Variants in CWC15 observed in about 807,000 individuals in gnomAD.
CWC15 encodes the protein CWC15 spliceosome associated protein, also known as spliceosome-associated protein CWC15 homolog.
In CWC15, 12 loss-of-function variants were observed where a neutral mutation model predicts 28.4. The ratio of observed to expected loss-of-function variants is 0.42; its 90% confidence interval spans 0.27 to 0.69. The LOEUF (loss-of-function observed/expected upper bound fraction) is 0.69. Ranked by LOEUF, CWC15 falls within the 30% of genes least tolerant of loss-of-function variation. The pLI is 0.23. For missense variants in CWC15, 192 were observed against 271.5 expected, an observed-to-expected ratio of 0.71 and a Z score of 2.06; for synonymous variants, 92 against 88.4, an observed-to-expected ratio of 1.04 and a Z score of -0.23.
Position 94,963,309 on chromosome 11 carries a change from GA to G in CWC15, c.*75del, listed in dbSNP as rs58293261. 1,535 of 1,109,934 alleles carry G rather than the reference GA, an allele frequency of 1.4e-3. 8 individuals carry two copies. In the South Asian group the frequency reaches 0.014, roughly 10 times the overall value. The allele number at this position is 1,109,934 out of a possible 1,614,324, so 68.8% of individuals were successfully genotyped here. A position where few individuals can be genotyped will look rare whatever the true frequency, so the allele number is the denominator to read the frequency against. On this transcript the variant is annotated 3_prime_UTR_variant, in exon 7 of 7. Coordinates refer to ENST00000279839, the MANE Select transcript of CWC15 (RefSeq NM_016403.4). ...CACACACAATTTAGACAGGGGAAAAGAAAAAAAAAACTCATAAAAAAAGTCA... is the reference window on the plus strand; with the variant it reads ...CACACACAATTTAGACAGGGGAAAAGAAAAAAAAACTCATAAAAAAAGTCA...
At chr11:94,966,226 TACACACACACACACACACACACACAC>T (rs58215154) in intron 6 of CWC15, 43 bp downstream of exon 6, 7 of 670,730 alleles carry the variant, frequency 1.0e-5, no homozygotes, top group African/African-American at 3.9e-5. Flanking sequence ...CATACACATA[TACACACACACACACACACACACACAC>T]ACACACACAC....
chr11:94,969,704 A>G (rs7103675), intron 5 of CWC15, among the ~76,000 whole-genome samples: 2,167 of 152,296 alleles, frequency 0.014, 59 homozygotes, highest in African/African-American at 0.049. Context: ...TCTCCTGTCA[A>G]TTAACAGATA....
intron 5 of CWC15, among the ~76,000 whole-genome samples, chr11:94,969,099 ACAAT>A (rs1565413898): frequency 1.3e-5 from 2 of 152,202 alleles, no homozygotes; most frequent in African/African-American, 2.4e-5. Flanking sequence ...CTCTGCTGCT[ACAAT>A]CAATCAGTCA....
chr11:94,971,621 T>A, intron 2 of CWC15, 134 bp from the exon 3 acceptor site: 1 of 599,266 alleles, frequency 1.7e-6, no homozygotes, highest in Admixed American at 3.0e-5. Context: ...GTAGACAAGA[T>A]CATAATTTAA....
chr11:94,970,546 A>G (rs1290016013), intron 4 of CWC15: 1 of 174,730 alleles, frequency 5.7e-6, no homozygotes, highest in Non-Finnish European at 1.2e-5. Context: ...TCCCTCCCTA[A>G]GCACAGAGGG....
intron 6 of CWC15, among the ~76,000 whole-genome samples, chr11:94,964,756 A>G (rs1193807756): frequency 6.6e-6 from 1 of 152,164 alleles, no homozygotes; most frequent in Non-Finnish European, 1.5e-5. Context: ...AACTCAATCA[A>G]TATTTATCAG....
At position 94,969,910 on chromosome 11, in the gene CWC15, A is replaced by T. The variant is rs868984803; in HGVS notation, c.441+79T>A. 26 of 709,308 alleles carry T rather than the reference A, an allele frequency of 3.7e-5. No homozygotes were observed. In the Middle Eastern group the frequency reaches 1.1e-3, roughly 31 times the overall value. The allele number at this position is 709,308 out of a possible 1,614,324, so 43.9% of individuals were successfully genotyped here. The stretch of plus-strand genomic sequence containing the variant: ...TAAAGGAGATTTCTAATATAAGAAG[A>T]TATTACTTATATTCAAAAAAATTTC... On this transcript the variant is annotated intron_variant, in intron 5 of 6. Transcript: ENST00000279839.
In CWC15 at chr11:94,962,668, G is replaced by C. The variant is rs1555094549; in HGVS notation, c.*717C>G. On this transcript the variant is annotated 3_prime_UTR_variant, in exon 7 of 7. Coordinates refer to ENST00000279839, the MANE Select transcript of CWC15 (RefSeq NM_016403.4). ...TATATATTGTTTGAAGCTTTCTCAG[G>C]CTTTGCACTAAATGCATGTCAGGTG... The C allele has an allele frequency of 6.6e-6, 1 of 152,142 alleles. No individual in the cohort carries two copies. The highest frequency in any genetic ancestry group is 1.9e-4 in the East Asian group (1 of 5,196). The allele number at this position is 152,142 out of a possible 1,614,324, so 9.4% of individuals were successfully genotyped here.
Position 94,972,130 on chromosome 11 carries a change from C to T in CWC15, c.56G>A (p.Gly19Glu). 1 of 1,613,890 alleles carries T rather than the reference C, an allele frequency of 6.2e-7. No individual in the cohort carries two copies. The highest frequency in any genetic ancestry group is 2.2e-5 in the East Asian group (1 of 44,854). The change falls in exon 2 of 7, where the codon GGA becomes GAA. Residue 19 changes from glycine to glutamate, a missense_variant. Around this residue, in one of 2 missense-constraint regions of CWC15, gnomAD observed 188 missense variants for 250.3 expected, o/e 0.75. Transcript: ENST00000279839. ...FEPARGGRGK[G>E]EGDLSQLSKQ... ...TGAAAGTTGGCTCAAATCACCTTCT[C>T]CTTTTCCCCTTCCACCTCTGGCAGG...
chr11:94,966,263 A>ACACACACT (rs1857640625), intron 6 of CWC15, 32 bp downstream of exon 6: 2 of 1,006,292 alleles, frequency 2.0e-6, no homozygotes, highest in Non-Finnish European at 3.0e-6. Flanking sequence ...ACACACACAC[A>ACACACACT]CACACTCCAT....
Position 94,963,499 on chromosome 11 carries a change from A to G in CWC15, c.576T>C (p.Val192=). The G allele has an allele frequency of 1.3e-6, 2 of 1,574,754 alleles. No individual in the cohort carries two copies. Among genetic ancestry groups the G allele is most frequent in the Non-Finnish European group, 1.7e-6 (2 of 1,158,720 alleles). The change falls in exon 7 of 7, where the codon GTT becomes GTC. Residue 192 remains valine, a synonymous_variant. Coordinates refer to ENST00000279839, the MANE Select transcript of CWC15 (RefSeq NM_016403.4). The part of the protein sequence containing the change: ...FKVKRRWDDD[V]VFKNCAKGVD... ...CACCTTTTGCACAGTTCTTGAAGAC[A>G]ACGTCATCATCCCACCTGAGGAAAA... is the stretch of plus-strand genomic sequence containing the variant.
At chr11:94,970,378 A>G (rs1857702655) in intron 4 of CWC15, 1 of 262,876 alleles carries the variant, frequency 3.8e-6, no homozygotes, top group African/African-American at 2.2e-5. Flanking sequence ...TTAACTGCTG[A>G]TATGTATACA....
chr11:94,966,333 G>T lies in CWC15; in HGVS notation c.522C>A (p.Gly174=), dbSNP rs782765876. The change falls in exon 6 of 7, where the codon GGC becomes GGA. Residue 174 remains glycine, a synonymous_variant. Transcript: ENST00000279839. Reference sequence around the variant, plus strand: ...TGAAGTTGGCCTGAGGCTGGGATGGGCCAGTGAGATTAAGGAGAGGGTTTC... The same window carrying T: ...TGAAGTTGGCCTGAGGCTGGGATGGTCCAGTGAGATTAAGGAGAGGGTTTC... ...LSGNPLLNLT[G]PSQPQANFKV... is the part of the protein sequence containing the mutation. 1.9e-6 allele frequency: 3 copies of T among 1,558,872 alleles called. No individual in the cohort carries two copies. The East Asian group carries it at 7.1e-5, about 37-fold the overall frequency.
intron 5 of CWC15, 65 bp from the exon 6 acceptor site, chr11:94,966,478 T>C (rs898530009): frequency 1.3e-5 from 13 of 998,348 alleles, no homozygotes; most frequent in Admixed American, 5.9e-5. Flanking sequence ...TTTTTTATAT[T>C]AGCTCACTGA....
chr11:94,969,557 T>A (rs375156819), intron 5 of CWC15, among the ~76,000 whole-genome samples: 1 of 151,602 alleles, frequency 6.6e-6, no homozygotes, highest in African/African-American at 2.4e-5. Flanking sequence ...AGAGAGACTG[T>A]GGGGGCTCAG....
In CWC15 at chr11:94,970,985, G is replaced by A. The variant is rs781958576; in HGVS notation, c.325C>T (p.Leu109=). 1 of 1,611,664 alleles carries A rather than the reference G, an allele frequency of 6.2e-7. No homozygotes were observed. ...GAGGAAACAAAACATACATCTGTTA[G>A]AGGGTCATCTGCATCAAGGTTGGCG... The part of the protein sequence containing the change: ...PAANLDADDP[L]TDEEDEDFEE... The change falls in exon 4 of 7, where the codon CTA becomes TTA. Residue 109 remains leucine, a synonymous_variant. Transcript: ENST00000279839.
intron 4 of CWC15, chr11:94,970,628 A>G (rs2134102798): frequency 4.0e-6 from 1 of 250,130 alleles, no homozygotes; most frequent in Non-Finnish European, 7.8e-6. Flanking sequence ...ACAACTCTAG[A>G]GGGCACTGTT....
At chr11:94,970,774 T>C in intron 4 of CWC15, 1 of 561,610 alleles carries the variant, frequency 1.8e-6, no homozygotes, top group Non-Finnish European at 3.2e-6. Context: ...TCTCTAGAGA[T>C]CAAACTTGTT....
At chr11:94,963,636 G>A (rs1857598254) in intron 6 of CWC15, 122 bp from the exon 7 acceptor site, 1 of 672,996 alleles carries the variant, frequency 1.5e-6, no homozygotes, top group African/African-American at 1.9e-5. Context: ...ATCATCTGAT[G>A]CAGCAATTAC....
Sources: allele counts gnomAD v4.1 joint callset (sites outside exome capture counted in the v4.1 genomes callset), GRCh38; gene constraint gnomAD v4.1.1; regional missense constraint gnomAD v4.1.1; transcripts MANE v1.5; gene names NCBI Gene and HGNC (gene_info 2026-07-23, HGNC 2026-07-21).